Variants in BPIFC observed in about 807,000 individuals in gnomAD.
BPIFC encodes the protein BPI fold containing family C.
Under a neutral mutation model 57.6 loss-of-function variants are expected in BPIFC, and 60 were observed. The ratio of observed to expected loss-of-function variants is 1.04; its 90% CI spans 0.85 to 1.29. The LOEUF (loss-of-function observed/expected upper bound fraction) is 1.29, where lower values mean the gene tolerates loss of function less well. BPIFC is among the 50% of genes most tolerant of loss of function. The pLI is 0.00. For missense variants in BPIFC, 581 were observed against 600.5 expected (o/e 0.97, Z 0.34); for synonymous variants, 243 against 224.5 (o/e 1.08, Z -0.74).
intron 1 of BPIFC, among the ~76,000 whole-genome samples, chr22:32,463,972 C>T (rs773394180): frequency 5.3e-5 from 8 of 152,166 alleles, no homozygotes; most frequent in South Asian, 2.1e-4. Context: ...GAGATTATAA[C>T]AACTCCTTAG....
rs186726721 is a variant in BPIFC, at chr22:32,444,468, C to T, written c.594+1167G>A. On this transcript the variant is annotated intron_variant, in intron 7 of 16. Coordinates refer to ENST00000300399, the MANE Select transcript of BPIFC (RefSeq NM_174932.3). Reference sequence around the variant, plus strand: ...ACGTGACCAGACCCTGTCTTTGTCCCTTCTTTTCCAGAAGAGTCTTCCTTC... The same window carrying T: ...ACGTGACCAGACCCTGTCTTTGTCCTTTCTTTTCCAGAAGAGTCTTCCTTC... Among the ~76,000 whole-genome samples the T allele has an allele frequency of 1.5e-3, 230 of 152,280 alleles. 1 individual carries two copies. The highest frequency in any genetic ancestry group is 1.2e-4 in the Non-Finnish European group (8 of 68,022).
chr22:32,435,659 G>C, intron 10 of BPIFC, 45 bp downstream of exon 10: 1 of 1,565,750 alleles, frequency 6.4e-7, no homozygotes, highest in Non-Finnish European at 8.7e-7. Context: ...TTATAAAAAG[G>C]CTGAATGATG....
At chr22:32,424,642 C>CTCTTCTTCTTCTTCTTCT (rs796330210) in intron 13 of BPIFC, among the ~76,000 whole-genome samples, 476 of 28,782 alleles carry the variant, frequency 0.017, 69 homozygotes, top group East Asian at 0.027. Flanking sequence ...TCTTCTTCTT[C>CTCTTCTTCTTCTTCTTCT]TCTTCTTCTT....
At chr22:32,432,962 G>A (rs114453447) in intron 11 of BPIFC, among the ~76,000 whole-genome samples, 2,011 of 152,264 alleles carry the variant, frequency 0.013, 44 homozygotes, top group African/African-American at 0.045. Context: ...TAGCACGTTG[G>A]GAGGCTGAGA....
Position 32,435,818 on chromosome 22 carries a change from G to A in BPIFC, c.810C>T (p.Leu270=). 1.2e-6 allele frequency: 2 copies of A among 1,614,182 alleles called. No individual in the cohort carries two copies. The highest frequency in any genetic ancestry group is 2.2e-5 in the South Asian group (2 of 91,076). ...DPPFSPVPFV[L]PERSNSMLYI... ...AGAGCATGGAGTTGCTGCGTTCTGG[G>A]AGCACAAAAGGAACTGGTGAGAAGG... Residue 270 remains leucine (L), a synonymous_variant, in exon 10 of 17, where the codon CTC becomes CTT. Transcript: ENST00000300399.
intron 9 of BPIFC, among the ~76,000 whole-genome samples, chr22:32,437,024 G>A (rs943120677): frequency 1.3e-5 from 2 of 152,138 alleles, no homozygotes; most frequent in African/African-American, 4.8e-5. Context: ...CTAATGCCAC[G>A]TGCTTATGGC....
intron 13 of BPIFC, among the ~76,000 whole-genome samples, chr22:32,427,711 A>G (rs957283956): frequency 2.0e-5 from 3 of 152,116 alleles, no homozygotes; most frequent in African/African-American, 7.2e-5. Flanking sequence ...TCTGTATTAG[A>G]ACTGCCAAAT....
intron 12 of BPIFC, 94 bp downstream of exon 12, chr22:32,432,279 A>C (rs1467804812): frequency 2.2e-6 from 3 of 1,349,654 alleles, no homozygotes; most frequent in African/African-American, 2.9e-5. Flanking sequence ...TAGCATCCCC[A>C]CCCTCTTCAA....
intron 15 of BPIFC, 88 bp from the exon 16 acceptor site, chr22:32,416,079 CTTTTTT>C: frequency 1.4e-5 from 6 of 434,520 alleles, no homozygotes; most frequent in South Asian, 2.8e-5. Flanking sequence ...TGACAGCTTG[CTTTTTT>C]TTTTTTTTTT....
Position 32,432,361 on chromosome 22 carries a change from C to T in BPIFC, c.1149+12G>A. 1 of 1,613,678 alleles carries T rather than the reference C, an allele frequency of 6.2e-7. No individual in the cohort carries two copies. The highest frequency in any genetic ancestry group is 8.5e-7 in the Non-Finnish European group (1 of 1,179,938). On this transcript the variant is annotated intron_variant, in intron 12 of 16. Coordinates refer to ENST00000300399, the MANE Select transcript of BPIFC (RefSeq NM_174932.3). Reference sequence around the variant, plus strand: ...GCATCTACAGGCTGCTCCACTGTCTCCCCAGACTTACGAAGTCCATGGAAA... The same window carrying T: ...GCATCTACAGGCTGCTCCACTGTCTTCCCAGACTTACGAAGTCCATGGAAA...
rs369897220 is a variant in BPIFC, at chr22:32,441,093, C to A, written c.655+1578G>T. On this transcript the variant is annotated intron_variant, in intron 8 of 16. Coordinates refer to ENST00000300399, the MANE Select transcript of BPIFC (RefSeq NM_174932.3). ...GGCCTCATTGCCTGCTCTCCCCCAA[C>A]CCCCTGCTCCTAGTGTGTCCTTCTC... Among the ~76,000 whole-genome samples, 107 of 152,230 alleles carry A rather than the reference C, an allele frequency of 7.0e-4. 2 individuals carry two copies. The South Asian group carries it at 0.02, about 29-fold the overall frequency.
In BPIFC at chr22:32,419,359, T is replaced by C. The variant is rs1239564032; in HGVS notation, c.1260+3A>G. 4 of 1,613,230 alleles carry C rather than the reference T, an allele frequency of 2.5e-6. No homozygotes were observed. In the South Asian group the frequency reaches 4.4e-5, roughly 18 times the overall value. Reference sequence around the variant, plus strand: ...TGGTAACCCCAAGAGCTCAGATTCCTACCTCAATGTTGCTGCGATTGGACT... The same window carrying C: ...TGGTAACCCCAAGAGCTCAGATTCCCACCTCAATGTTGCTGCGATTGGACT... On this transcript the variant is annotated splice_donor_region_variant and intron_variant, in intron 14 of 16. Coordinates refer to ENST00000300399, the MANE Select transcript of BPIFC (RefSeq NM_174932.3).
chr22:32,420,336 T>A lies in BPIFC; in HGVS notation c.1218-932A>T, dbSNP rs7285724. Reference sequence around the variant, plus strand: ...CCGTCTCAAAAAAAAAAAAAAAAAATAGTTTTCAGGTTTCTGGCTCTGAAC... The same window carrying A: ...CCGTCTCAAAAAAAAAAAAAAAAAAAAGTTTTCAGGTTTCTGGCTCTGAAC... On this transcript the variant is annotated intron_variant, in intron 13 of 16. Coordinates refer to ENST00000300399, the MANE Select transcript of BPIFC (RefSeq NM_174932.3). 8.0e-3 allele frequency among the ~76,000 whole-genome samples: 459 copies of A among 57,734 alleles called. 9 individuals are homozygous for A. Among genetic ancestry groups the A allele is most frequent in the Middle Eastern group, 0.014 (2 of 142 alleles). 37.9% of individuals were successfully genotyped at this position (57,734 alleles called of 152,430 possible).
At chr22:32,440,601 TG>T (rs1485535947) in intron 8 of BPIFC, among the ~76,000 whole-genome samples, 1 of 152,208 alleles carries the variant, frequency 6.6e-6, no homozygotes, top group Non-Finnish European at 1.5e-5. Context: ...ACTGGGCTCC[TG>T]ATGATCCTGC....
At chr22:32,422,758 TTGTGTGTGTGTA>T (rs931483982) in intron 13 of BPIFC, among the ~76,000 whole-genome samples, 28 of 150,316 alleles carry the variant, frequency 1.9e-4, no homozygotes, top group African/African-American at 6.9e-4. Flanking sequence ...TAGGCTAGAG[TTGTGTGTGTGTA>T]TGTGTGTGTG....
Position 32,445,825 on chromosome 22 carries a change from C to G in BPIFC, c.530+16G>C. The G allele has an allele frequency of 6.2e-7, 1 of 1,613,580 alleles. No homozygotes were observed. The highest frequency in any genetic ancestry group is 1.7e-4 in the Middle Eastern group (1 of 6,060). On this transcript the variant is annotated intron_variant, in intron 6 of 16. Coordinates refer to ENST00000300399, the MANE Select transcript of BPIFC (RefSeq NM_174932.3). Reference sequence around the variant, plus strand: ...GCCCCTAACTAGCCACTGCCCAACCCAGGGCTCTCATTCACCTGAGTTCTC... The same window carrying G: ...GCCCCTAACTAGCCACTGCCCAACCGAGGGCTCTCATTCACCTGAGTTCTC...
rs928717459 is a variant in BPIFC, at chr22:32,431,409, A to T, written c.1155T>A (p.Ala385=). ...VETIVSMDFV[A]STSVGLVILG... is the part of the protein sequence containing the mutation. ...AAATAACCAGGCCAACACTGGTACT[A>T]GCAACCTATAGACAATAAAAGCATT... The change falls in exon 13 of 17, where the codon GCT becomes GCA. Residue 385 remains alanine, a synonymous_variant. Coordinates refer to ENST00000300399, the MANE Select transcript of BPIFC (RefSeq NM_174932.3). 2 of 1,606,180 alleles carry T rather than the reference A, an allele frequency of 1.2e-6. No individual in the cohort carries two copies. Among genetic ancestry groups the T allele is most frequent in the Middle Eastern group, 1.7e-4 (1 of 6,056 alleles).
chr22:32,452,804 C>T (rs1012905630), intron 4 of BPIFC, among the ~76,000 whole-genome samples: 1 of 152,132 alleles, frequency 6.6e-6, no homozygotes, highest in African/African-American at 2.4e-5. Context: ...TCACAGAGAA[C>T]CCCTTAGAAG....
intron 4 of BPIFC, among the ~76,000 whole-genome samples, chr22:32,451,269 A>G (rs1336161004): frequency 6.6e-6 from 1 of 152,204 alleles, no homozygotes; most frequent in Admixed American, 6.5e-5. Flanking sequence ...AATCCAGTCT[A>G]TCATAGTTGG....
Sources: allele counts gnomAD v4.1 joint callset (sites outside exome capture counted in the v4.1 genomes callset), GRCh38; gene constraint gnomAD v4.1.1; transcripts MANE v1.5; gene names NCBI Gene and HGNC (gene_info 2026-07-23, HGNC 2026-07-21).